FHIP1A: variants seen among roughly 807,000 people sequenced by gnomAD.
FHIP1A encodes FHF complex subunit HOOK interacting protein 1A, also known as FHF complex subunit HOOK-interacting protein 1A.
FHIP1A carries 61 observed loss-of-function variants against 88.6 expected under a neutral mutation model. That is an observed-to-expected ratio of 0.69 (90% CI 0.56 to 0.85). FHIP1A has a LOEUF of 0.85. Among genes scored for constraint, FHIP1A ranks in the 40% least tolerant of loss-of-function variants. The pLI is 0.00. For missense variants in FHIP1A, 1,154 were observed against 1,273.5 expected (o/e 0.91, Z 1.43); for synonymous variants, 478 against 496.0 (o/e 0.96, Z 0.48).
At chr4:151,543,480 C>A (rs1732373871) in intron 3 of FHIP1A, among the ~76,000 whole-genome samples, 1 of 152,054 alleles carries the variant, frequency 6.6e-6, no homozygotes, top group African/African-American at 2.4e-5. Flanking sequence ...TTATTGAATG[C>A]TATAATAGAG....
At chr4:151,569,957 C>A (rs79745115) in intron 4 of FHIP1A, among the ~76,000 whole-genome samples, 1 of 152,178 alleles carries the variant, frequency 6.6e-6, no homozygotes, top group South Asian at 2.1e-4. Context: ...AATAGTGACA[C>A]TGAAGAGTCT....
At chr4:151,614,681 C>G (rs1735450373) in intron 7 of FHIP1A, among the ~76,000 whole-genome samples, 1 of 152,108 alleles carries the variant, frequency 6.6e-6, no homozygotes, top group African/African-American at 2.4e-5. Flanking sequence ...TTTTACATCT[C>G]TCAGAGGTGC....
rs1291586303 is a variant in FHIP1A, at chr4:151,649,727, A to G, written c.1686A>G (p.Thr562=). 26 of 1,551,598 alleles carry G rather than the reference A, an allele frequency of 1.7e-5. No homozygotes were observed. The highest frequency in any genetic ancestry group is 6.8e-5 in the African/African-American group (5 of 73,054). ...TCCCGCAACAACTCCCCAGGAAGAC[A>G]GGACCTCAGCTGGCTCCCAGAAAGG... ...FGLPQQLPRK[T]GPQLAPRKDK... The change falls in exon 11 of 14, where the codon ACA becomes ACG. Residue 562 remains threonine (T), a synonymous_variant. Transcript: ENST00000435205.
intron 3 of FHIP1A, among the ~76,000 whole-genome samples, chr4:151,549,489 T>TAAA (rs57072592): frequency 6.2e-5 from 7 of 112,704 alleles, no homozygotes; most frequent in African/African-American, 2.1e-4. Context: ...AGACTCTGTC[T>TAAA]AAAAAAAAAA....
chr4:151,557,929 C>T (rs759933481), intron 3 of FHIP1A, among the ~76,000 whole-genome samples: 1 of 152,098 alleles, frequency 6.6e-6, no homozygotes, highest in Admixed American at 6.5e-5. Flanking sequence ...CGTGTATGTG[C>T]GTGTGCTACA....
chr4:151,510,877 A>G lies in FHIP1A; in HGVS notation c.-123+28229A>G, dbSNP rs79711438. On this transcript the variant is annotated intron_variant, in intron 3 of 13. Transcript: ENST00000435205. The stretch of plus-strand genomic sequence containing the variant: ...TGGCTGTTTATTTATTGATTTTTCT[A>G]TTCATTTAGCATTTATTGACTGTCC... Among the ~76,000 whole-genome samples, 947 of 152,272 alleles carry G rather than the reference A, an allele frequency of 6.2e-3. 12 individuals are homozygous for G. Among genetic ancestry groups the G allele is most frequent in the African/African-American group, 0.021 (881 of 41,554 alleles).
At chr4:151,633,201 C>T in intron 8 of FHIP1A, among the ~76,000 whole-genome samples, 1 of 151,708 alleles carries the variant, frequency 6.6e-6, no homozygotes, top group East Asian at 1.9e-4. Context: ...AACTGGATGA[C>T]CTAGAGGACC....
At chr4:151,635,544 A>C (rs1318257127) in intron 8 of FHIP1A, among the ~76,000 whole-genome samples, 1 of 151,902 alleles carries the variant, frequency 6.6e-6, no homozygotes, top group African/African-American at 2.4e-5. Flanking sequence ...AATGTTATTC[A>C]ACCTTAAAAA....
chr4:151,653,377 T>TCC (rs1553963435), intron 11 of FHIP1A, among the ~76,000 whole-genome samples: 4 of 151,546 alleles, frequency 2.6e-5, no homozygotes, highest in Admixed American at 6.6e-5. Flanking sequence ...TCTCTCTCTC[T>TCC]CCCCCTCCCT....
chr4:151,629,722 G>T lies in FHIP1A; in HGVS notation c.999G>T (p.Met333Ile). 1.9e-6 allele frequency: 3 copies of T among 1,551,126 alleles called. No individual in the cohort carries two copies. The South Asian group carries it at 3.6e-5, about 18-fold the overall frequency. ...CCTAGGTGACTGTGGAAGAGGTCAT[G>T]ACCACAACTGCATATCTGGACCTTT... Reference protein sequence around the residue: ...ALHKVTVEEVMTTTAYLDLFL... With the variant: ...ALHKVTVEEVITTTAYLDLFL... Residue 333 changes from methionine to isoleucine, a missense_variant, in exon 8 of 14, where the codon ATG becomes ATT. Physicochemically the swap from Met to Ile is conservative, Grantham distance 10. Transcript: ENST00000435205.
intron 1 of FHIP1A, among the ~76,000 whole-genome samples, chr4:151,427,201 C>T (rs189110720): frequency 6.6e-6 from 1 of 151,964 alleles, no homozygotes; most frequent in South Asian, 2.1e-4. Flanking sequence ...ACTTAGATCA[C>T]CAAAAGCAAC....
At chr4:151,633,030 T>G (rs982894289) in intron 8 of FHIP1A, among the ~76,000 whole-genome samples, 1 of 151,792 alleles carries the variant, frequency 6.6e-6, no homozygotes, top group Non-Finnish European at 1.5e-5. Context: ...AAGACTTGGT[T>G]TTTTAAAACA....
intron 3 of FHIP1A, among the ~76,000 whole-genome samples, chr4:151,564,042 C>G (rs1177228328): frequency 6.6e-6 from 1 of 152,136 alleles, no homozygotes; most frequent in Non-Finnish European, 1.5e-5. Flanking sequence ...AACTAGTAAG[C>G]TCATGACATT....
chr4:151,497,955 T>C (rs1167120313), intron 3 of FHIP1A, among the ~76,000 whole-genome samples: 1 of 152,170 alleles, frequency 6.6e-6, no homozygotes, highest in Admixed American at 6.5e-5. Context: ...AAAGTTGATA[T>C]CTGATCACTC....
chr4:151,415,452 A>T (rs1732854926), intron 1 of FHIP1A, among the ~76,000 whole-genome samples: 1 of 152,168 alleles, frequency 6.6e-6, no homozygotes, highest in South Asian at 2.1e-4. Context: ...TGCTGGGATT[A>T]CAGGCGTGAG....
At chr4:151,480,157 T>A (rs1729842132) in intron 2 of FHIP1A, among the ~76,000 whole-genome samples, 2 of 152,080 alleles carry the variant, frequency 1.3e-5, no homozygotes, top group South Asian at 4.1e-4. Flanking sequence ...TAACCTTGCT[T>A]TCGATGTCAT....
chr4:151,605,882 G>T (rs79547924), intron 7 of FHIP1A, among the ~76,000 whole-genome samples: 4,075 of 152,282 alleles, frequency 0.027, 70 homozygotes, highest in Middle Eastern at 0.071. Flanking sequence ...GTATGTGGGC[G>T]GGCAGGCTGG....
chr4:151,556,959 T>C (rs1272672490), intron 3 of FHIP1A, among the ~76,000 whole-genome samples: 1 of 152,170 alleles, frequency 6.6e-6, no homozygotes, highest in African/African-American at 2.4e-5. Flanking sequence ...AATGTGTTGG[T>C]TTCCAACAAA....
At chr4:151,621,967 A>G (rs1735763850) in intron 7 of FHIP1A, among the ~76,000 whole-genome samples, 1 of 152,208 alleles carries the variant, frequency 6.6e-6, no homozygotes, top group Non-Finnish European at 1.5e-5. Context: ...AGGCATCCCC[A>G]ACATGGGCTG....
Sources: allele counts gnomAD v4.1 joint callset (sites outside exome capture counted in the v4.1 genomes callset), GRCh38; gene constraint gnomAD v4.1.1; transcripts MANE v1.5; gene names NCBI Gene and HGNC (gene_info 2026-07-23, HGNC 2026-07-21).